Variants in ASCC3 observed in about 807,000 individuals in gnomAD.
ASCC3 encodes ASC-1 complex subunit P200.
Under a neutral mutation model 256.3 loss-of-function variants are expected in ASCC3, and 158 were observed. That is an observed-to-expected ratio of 0.62 (90% CI 0.54 to 0.70). The LOEUF (loss-of-function observed/expected upper bound fraction) is 0.70. Among genes scored for constraint, ASCC3 ranks in the 30% least tolerant of loss-of-function variants. The probability of loss-of-function intolerance (pLI) is 0.00; values close to 1 mark genes in which losing one functional copy is unlikely to be tolerated. For missense variants in ASCC3, 2,259 were observed against 2,626.0 expected (o/e 0.86, Z 3.05); for synonymous variants, 948 against 883.4 (o/e 1.07, Z -1.30).
chr6:100,693,120 T>C (rs895508737), intron 13 of ASCC3, among the ~76,000 whole-genome samples: 1 of 152,112 alleles, frequency 6.6e-6, no homozygotes, highest in Admixed American at 6.6e-5. Flanking sequence ...ATGATGACTA[T>C]AGAGTATATC....
intron 11 of ASCC3, among the ~76,000 whole-genome samples, chr6:100,724,998 C>T (rs992961719): frequency 2.0e-5 from 3 of 151,946 alleles, no homozygotes; most frequent in African/African-American, 7.2e-5. Flanking sequence ...GAAGTACAGA[C>T]ATGGCTCAAT....
chr6:100,583,073 C>T (rs1771404472), intron 36 of ASCC3, among the ~76,000 whole-genome samples: 1 of 152,116 alleles, frequency 6.6e-6, no homozygotes, highest in Admixed American at 6.5e-5. Flanking sequence ...CTCTGCCAGG[C>T]TTTGGTATCA....
chr6:100,512,767 G>A lies in ASCC3; in HGVS notation c.6227C>T (p.Ala2076Val), dbSNP rs915290248. ...RDDNKWIKLH[A>V]DQEYVLQVSL... ...CACTTGAAGCACATACTCTTGGTCA[G>A]CATGCAATTTGATCCATTTGTTGTC... Residue 2076 changes from alanine (A) to valine (V), a missense_variant, in exon 40 of 42, where the codon GCT becomes GTT. This residue lies in a region of ASCC3 where 1,839 missense variants were observed against 2,206.7 expected (regional missense o/e 0.83). Coordinates refer to ENST00000369162, the MANE Select transcript of ASCC3 (RefSeq NM_006828.4). 7 of 1,614,030 alleles carry A rather than the reference G, an allele frequency of 4.3e-6. No homozygotes were observed. Among genetic ancestry groups the A allele is most frequent in the Non-Finnish European group, 5.9e-6 (7 of 1,180,016 alleles).
At chr6:100,760,683 A>T (rs772524521) in intron 10 of ASCC3, among the ~76,000 whole-genome samples, 8 of 152,234 alleles carry the variant, frequency 5.3e-5, no homozygotes, top group Non-Finnish European at 8.8e-5. Context: ...ATAATAACCT[A>T]AGTTAAAAAC....
intron 8 of ASCC3, among the ~76,000 whole-genome samples, chr6:100,784,366 T>C (rs2114272182): frequency 6.6e-6 from 1 of 152,246 alleles, no homozygotes; most frequent in African/African-American, 2.4e-5. Flanking sequence ...GCATACATCA[T>C]TTAACCTAAC....
chr6:100,618,956 T>A (rs1773806394), intron 30 of ASCC3, among the ~76,000 whole-genome samples: 1 of 152,216 alleles, frequency 6.6e-6, no homozygotes, highest in Non-Finnish European at 1.5e-5. Context: ...TGCCATTGAA[T>A]GCACTGGTCT....
chr6:100,609,516 A>G (rs1773281807), intron 30 of ASCC3, among the ~76,000 whole-genome samples: 1 of 150,966 alleles, frequency 6.6e-6, no homozygotes, highest in Admixed American at 6.6e-5. Flanking sequence ...ATATTCTATC[A>G]CTTTCCATTC....
chr6:100,622,281 G>A (rs1419578474), intron 30 of ASCC3, among the ~76,000 whole-genome samples: 2 of 152,132 alleles, frequency 1.3e-5, no homozygotes, highest in East Asian at 3.9e-4. Context: ...GAGACCAGGT[G>A]GAGGTAATTG....
chr6:100,583,785 T>C (rs1771465715), intron 36 of ASCC3, among the ~76,000 whole-genome samples: 1 of 152,326 alleles, frequency 6.6e-6, no homozygotes, highest in Admixed American at 6.5e-5. Flanking sequence ...CTGGTATGTG[T>C]GTCTTTGTTC....
intron 4 of ASCC3, among the ~76,000 whole-genome samples, chr6:100,826,449 T>C (rs919336957): frequency 2.0e-5 from 3 of 152,172 alleles, no homozygotes; most frequent in African/African-American, 7.2e-5. Flanking sequence ...CTTTACATAA[T>C]ATTTTTTAAG....
At chr6:100,521,377 TAAG>T (rs1278288755) in intron 37 of ASCC3, among the ~76,000 whole-genome samples, 3 of 152,004 alleles carry the variant, frequency 2.0e-5, no homozygotes, top group African/African-American at 7.2e-5. Context: ...AAGCATACAA[TAAG>T]AAGGGAGGAT....
intron 8 of ASCC3, among the ~76,000 whole-genome samples, chr6:100,788,326 A>C (rs9377231): frequency 0.065 from 9,878 of 152,008 alleles, 728 homozygotes; most frequent in East Asian, 0.3. Flanking sequence ...TTATGTGCTG[A>C]CAAAAATATA....
At chr6:100,691,966 C>T (rs948044549) in intron 13 of ASCC3, among the ~76,000 whole-genome samples, 4 of 151,420 alleles carry the variant, frequency 2.6e-5, no homozygotes, top group Non-Finnish European at 5.9e-5. Flanking sequence ...GAACAACAAA[C>T]AATAATTACA....
intron 37 of ASCC3, among the ~76,000 whole-genome samples, chr6:100,532,181 C>T (rs186856980): frequency 6.6e-5 from 10 of 151,098 alleles, no homozygotes; most frequent in African/African-American, 2.4e-4. Context: ...ACTTTAACTG[C>T]TAATCACTGT....
At chr6:100,682,213 G>A (rs1049038761) in intron 13 of ASCC3, among the ~76,000 whole-genome samples, 3 of 136,964 alleles carry the variant, frequency 2.2e-5, no homozygotes, top group African/African-American at 7.4e-5. Context: ...GAAGTTTTTT[G>A]TAATTTATTT....
At position 100,715,464 on chromosome 6, in the gene ASCC3, G is replaced by C; in HGVS notation, c.2149C>G (p.Gln717Glu). The change falls in exon 13 of 42, where the codon CAG becomes GAG. Residue 717 changes from glutamine (Q) to glutamate (E), a missense_variant and splice_region_variant. Physicochemically the swap from Gln to Glu is conservative, Grantham distance 29 (BLOSUM62 2). Around this residue, in one of 2 missense-constraint regions of ASCC3, gnomAD observed 1,839 missense variants for 2,206.7 expected, o/e 0.83. Coordinates refer to ENST00000369162, the MANE Select transcript of ASCC3 (RefSeq NM_006828.4). ...NVLKQVKAGH[Q>E]VMVFVHARNA... ...AAAAGCAGATAAAATAAGTGTACCT[G>C]GTGTCCAGCCTTTACTTGCTTCAAA... 1 of 1,608,004 alleles carries C rather than the reference G, an allele frequency of 6.2e-7. No individual in the cohort carries two copies. Among genetic ancestry groups the C allele is most frequent in the African/African-American group, 1.3e-5 (1 of 74,790 alleles).
At chr6:100,730,794 A>C (rs1779865146) in intron 10 of ASCC3, among the ~76,000 whole-genome samples, 1 of 152,108 alleles carries the variant, frequency 6.6e-6, no homozygotes, top group African/African-American at 2.4e-5. Context: ...CTCTACAACA[A>C]ATCAGTTAGT....
chr6:100,532,382 A>G lies in ASCC3; in HGVS notation c.5775+7781T>C, dbSNP rs2398129. Among the ~76,000 whole-genome samples the G allele has an allele frequency of 7.7e-3, 460 of 59,606 alleles. 4 individuals are homozygous for G. The highest frequency in any genetic ancestry group is 0.073 in the East Asian group (134 of 1,842). The allele number at this position is 59,606 out of a possible 152,430, so 39.1% of individuals were successfully genotyped here. On this transcript the variant is annotated intron_variant, in intron 37 of 41. Transcript: ENST00000369162. ...TGTGTGTGTGTGTGTATGTGTGTAT[A>G]TATATATATATATATATATATATAT...
intron 20 of ASCC3, among the ~76,000 whole-genome samples, chr6:100,648,119 G>A (rs1477327998): frequency 6.6e-6 from 1 of 152,066 alleles, no homozygotes; most frequent in African/African-American, 2.4e-5. Flanking sequence ...GTTGGTGTCA[G>A]AGCATCTACT....
Sources: gnomAD v4.1 joint callset for allele counts (sites outside exome capture counted in the v4.1 genomes callset) on GRCh38, gnomAD v4.1.1 for gene constraint, gnomAD v4.1.1 regional missense constraint, MANE v1.5 for transcripts, NCBI Gene and HGNC (gene_info 2026-07-23, HGNC 2026-07-21) for gene names.